Variants in MAGI2 observed in about 807,000 individuals in gnomAD.
MAGI2 encodes the protein membrane associated guanylate kinase, WW and PDZ domain containing 2.
MAGI2 carries 35 observed loss-of-function variants against 133.3 expected under a neutral mutation model. The observed-to-expected ratio is 0.26, with a 90% CI of 0.20 to 0.35. The LOEUF (loss-of-function observed/expected upper bound fraction) is 0.35, where lower values mean the gene tolerates loss of function less well. MAGI2 is among the 10% of genes least tolerant of loss of function. The pLI is 1.00. For missense variants in MAGI2, 1,636 were observed against 1,863.4 expected, an observed-to-expected ratio of 0.88 and a Z score of 2.25; for synonymous variants, 729 against 710.6, an observed-to-expected ratio of 1.03 and a Z score of -0.41.
intron 21 of MAGI2, among the ~76,000 whole-genome samples, chr7:78,026,582 A>C (rs2471599): frequency 0.91 from 139,220 of 152,206 alleles, 63,807 homozygotes; most frequent in East Asian, 1. Flanking sequence ...CCACCATCAC[A>C]AAGGTGATTG....
chr7:79,056,291 A>G (rs932213847), intron 1 of MAGI2, among the ~76,000 whole-genome samples: 2 of 152,136 alleles, frequency 1.3e-5, no homozygotes, highest in Non-Finnish European at 2.9e-5. Context: ...AGAAGGCTGC[A>G]GGAGTTCAAG....
intron 1 of MAGI2, among the ~76,000 whole-genome samples, chr7:79,023,751 T>C (rs1179309954): frequency 6.6e-6 from 1 of 152,032 alleles, no homozygotes; most frequent in East Asian, 1.9e-4. Context: ...ACAAAAAGAA[T>C]AAAATACCTA....
intron 2 of MAGI2, among the ~76,000 whole-genome samples, chr7:78,876,973 A>G (rs1251720982): frequency 6.6e-6 from 1 of 152,124 alleles, no homozygotes; most frequent in Non-Finnish European, 1.5e-5. Flanking sequence ...TATGGTGCTC[A>G]GATTGCTCCA....
chr7:78,136,655 G>A (rs1244371419), intron 16 of MAGI2, among the ~76,000 whole-genome samples: 2 of 152,156 alleles, frequency 1.3e-5, no homozygotes, highest in Admixed American at 6.5e-5. Context: ...TCAGAAACCT[G>A]TCAATAACTC....
At chr7:78,957,804 C>T (rs1429827253) in intron 2 of MAGI2, among the ~76,000 whole-genome samples, 3 of 152,236 alleles carry the variant, frequency 2.0e-5, no homozygotes, top group African/African-American at 7.2e-5. Context: ...AACCCTGTTG[C>T]TACCTCTCAA....
At chr7:78,361,149 A>T (rs964144309) in intron 7 of MAGI2, among the ~76,000 whole-genome samples, 1 of 152,168 alleles carries the variant, frequency 6.6e-6, no homozygotes, top group African/African-American at 2.4e-5. Flanking sequence ...TAATCCTAGC[A>T]CTTTGGGAGG....
intron 1 of MAGI2, among the ~76,000 whole-genome samples, chr7:79,245,388 A>G (rs892656745): frequency 3.9e-5 from 6 of 152,178 alleles, no homozygotes; most frequent in African/African-American, 1.4e-4. Flanking sequence ...CATTGGCCAG[A>G]TGGAAGCCTG....
At chr7:78,051,069 T>C (rs1811957343) in intron 21 of MAGI2, among the ~76,000 whole-genome samples, 1 of 152,244 alleles carries the variant, frequency 6.6e-6, no homozygotes, top group Non-Finnish European at 1.5e-5. Context: ...CACTGTTTAG[T>C]GTGCCATAGG....
rs1562712851 is a variant in MAGI2, at chr7:78,955,732, T to TCTTG, written c.418+51357_418+51358insCAAG. On this transcript the variant is annotated intron_variant, in intron 2 of 21. Coordinates refer to ENST00000354212, the MANE Select transcript of MAGI2 (RefSeq NM_012301.4). ...TTCTTTTTCTTTCTTTCTCTTTCTT[T>TCTTG]CTTTCTTTCTTTCTTTCTTTCTTTC... 1.8e-4 allele frequency among the ~76,000 whole-genome samples: 6 copies of TCTTG among 33,708 alleles called. No homozygotes were observed. In the East Asian group the frequency reaches 4.2e-3, roughly 23 times the overall value. 22.1% of individuals were successfully genotyped at this position (33,708 alleles called of 152,430 possible).
intron 1 of MAGI2, among the ~76,000 whole-genome samples, chr7:79,270,301 A>T (rs1403253579): frequency 6.6e-6 from 1 of 152,114 alleles, no homozygotes; most frequent in African/African-American, 2.4e-5. Flanking sequence ...CCTTGAGTCA[A>T]ACTCCTTTAC....
intron 6 of MAGI2, among the ~76,000 whole-genome samples, chr7:78,454,819 G>T (rs925392428): frequency 4.6e-5 from 7 of 152,042 alleles, no homozygotes; most frequent in East Asian, 1.9e-4. Context: ...AGTCTGAAAG[G>T]CTACATACTA....
At chr7:79,272,532 T>A (rs1834949536) in intron 1 of MAGI2, among the ~76,000 whole-genome samples, 1 of 152,104 alleles carries the variant, frequency 6.6e-6, no homozygotes, top group African/African-American at 2.4e-5. Context: ...TCACCGAACT[T>A]GTATCCATTT....
chr7:78,495,366 G>A lies in MAGI2; in HGVS notation c.966-5526C>T, dbSNP rs191977635. 5.3e-3 allele frequency among the ~76,000 whole-genome samples: 812 copies of A among 152,036 alleles called. 11 individuals carry two copies. The highest frequency in any genetic ancestry group is 0.019 in the African/African-American group (779 of 41,458). On this transcript the variant is annotated intron_variant, in intron 5 of 21. Transcript: ENST00000354212. ...TTATGAGTGAGAACATGCGGTGTTT[G>A]GTTTTCTGTTCATCTGTTAGTTTGC...
intron 3 of MAGI2, among the ~76,000 whole-genome samples, chr7:78,582,234 C>A (rs1440988187): frequency 6.6e-6 from 1 of 151,980 alleles, no homozygotes; most frequent in Non-Finnish European, 1.5e-5. Context: ...GTAACCATGC[C>A]CCTCAACCAG....
At chr7:78,957,190 G>A (rs1474658338) in intron 2 of MAGI2, among the ~76,000 whole-genome samples, 3 of 150,276 alleles carry the variant, frequency 2.0e-5, no homozygotes, top group African/African-American at 4.9e-5. Flanking sequence ...GCTTGAACCC[G>A]GGAGGCAGAG....
At chr7:78,035,053 T>G (rs1162813118) in intron 21 of MAGI2, 2 of 152,388 alleles carry the variant, frequency 1.3e-5, no homozygotes, top group African/African-American at 4.8e-5. Flanking sequence ...CTTCTGCATT[T>G]GCGGGACATA....
intron 21 of MAGI2, chr7:78,078,196 G>A (rs1422840525): frequency 6.6e-6 from 1 of 152,342 alleles, no homozygotes; most frequent in African/African-American, 2.4e-5. Context: ...GTCTGTTTCT[G>A]TCTGTCACTC....
intron 21 of MAGI2, among the ~76,000 whole-genome samples, chr7:78,042,252 TTGGCTA>T (rs1344396091): frequency 6.6e-6 from 1 of 152,208 alleles, no homozygotes; most frequent in Admixed American, 6.5e-5. Flanking sequence ...AATATGTTCT[TTGGCTA>T]AGCTTACATG....
chr7:78,105,424 T>C (rs1818586150), intron 20 of MAGI2, among the ~76,000 whole-genome samples: 1 of 152,172 alleles, frequency 6.6e-6, no homozygotes, highest in Non-Finnish European at 1.5e-5. Flanking sequence ...TGCAAAATAA[T>C]GCAAGGAAAT....
Sources: gnomAD v4.1 joint callset for allele counts (sites outside exome capture counted in the v4.1 genomes callset) on GRCh38, gnomAD v4.1.1 for gene constraint, MANE v1.5 for transcripts, NCBI Gene and HGNC (gene_info 2026-07-23, HGNC 2026-07-21) for gene names.